HNF4A: variants seen among roughly 807,000 people sequenced by gnomAD.
HNF4A encodes the protein hepatocyte nuclear factor 4 alpha, also known as hepatocyte nuclear factor 4-alpha.
Under a neutral mutation model 52.4 loss-of-function variants are expected in HNF4A, and 15 were observed. The observed-to-expected ratio is 0.29, with a 90% CI of 0.19 to 0.44. The LOEUF (loss-of-function observed/expected upper bound fraction) is 0.44, where lower values mean the gene tolerates loss of function less well. Among genes scored for constraint, HNF4A ranks in the 20% least tolerant of loss-of-function variants. The probability of loss-of-function intolerance (pLI) is 1.00; values close to 1 mark genes in which losing one functional copy is unlikely to be tolerated. For missense variants in HNF4A, 479 were observed against 647.2 expected (o/e 0.74, Z 2.82); for synonymous variants, 280 against 264.4 (o/e 1.06, Z -0.57).
In HNF4A at chr20:44,418,498, A is replaced by T. The variant is rs777727657; in HGVS notation, c.722A>T (p.Asp241Val). The T allele has an allele frequency of 6.2e-7, 1 of 1,612,784 alleles. No individual in the cohort carries two copies. The highest frequency in any genetic ancestry group is 1.1e-5 in the South Asian group (1 of 91,064). The stretch of plus-strand genomic sequence containing the variant: ...ACCAAGAGATCCATGGTGTTCAAGG[A>T]CGTGCTGCTCCTAGGTGAGGCGGCT... Residue 241 changes from aspartate (D) to valine (V), a missense_variant, in exon 6 of 10, where the codon GAC becomes GTC. Around this residue, in one of 3 missense-constraint regions of HNF4A, gnomAD observed 389 missense variants for 525.1 expected, o/e 0.74. Transcript: ENST00000316099.
At chr20:44,384,896 T>G (rs2063200498) in intron 1 of HNF4A, among the ~76,000 whole-genome samples, 1 of 151,896 alleles carries the variant, frequency 6.6e-6, no homozygotes, top group Admixed American at 6.6e-5. Context: ...GGCCAACATT[T>G]GTTCCCAGAA....
intron 1 of HNF4A, among the ~76,000 whole-genome samples, chr20:44,362,637 ATAT>A (rs1314874600): frequency 6.6e-6 from 1 of 152,106 alleles, no homozygotes; most frequent in Non-Finnish European, 1.5e-5. Flanking sequence ...CAAGTAGGAA[ATAT>A]TATCTCCATT....
chr20:44,413,775 T>G lies in HNF4A; in HGVS notation c.467T>G (p.Leu156Arg). The change falls in exon 4 of 10, where the codon CTG (leucine) becomes CGG (arginine). Residue 156 changes from leucine to arginine, a missense_variant. Physicochemically the swap from Leu to Arg is moderately radical, Grantham distance 102. Transcript: ENST00000316099. Reference sequence around the variant, plus strand: ...AGCCTGCCCTCCATCAATGCGCTCCTGCAGGCGGAGGTCCTGTCCCGACAG... The same window carrying G: ...AGCCTGCCCTCCATCAATGCGCTCCGGCAGGCGGAGGTCCTGTCCCGACAG... 1 of 1,613,508 alleles carries G rather than the reference T, an allele frequency of 6.2e-7. No individual in the cohort carries two copies. Among genetic ancestry groups the G allele is most frequent in the Non-Finnish European group, 8.5e-7 (1 of 1,179,692 alleles).
At chr20:44,398,741 C>T (rs192846866), upstream of HNF4A, among the ~76,000 whole-genome samples, 20 of 152,240 alleles carry the variant, frequency 1.3e-4, no homozygotes, top group East Asian at 3.5e-3. Context: ...GCAGTGTCCA[C>T]CTAGTAGCTC....
intron 6 of HNF4A, 95 bp from the exon 7 acceptor site, chr20:44,419,626 G>A: frequency 1.7e-6 from 2 of 1,162,574 alleles, no homozygotes; most frequent in Admixed American, 1.7e-5. Flanking sequence ...TCCTCCCACA[G>A]GCACCAGCTA....
intron 1 of HNF4A, among the ~76,000 whole-genome samples, chr20:44,367,639 C>CAA (rs61083507): frequency 0.012 from 1,446 of 121,200 alleles, 30 homozygotes; most frequent in African/African-American, 0.038. Flanking sequence ...CACTCCGTCT[C>CAA]AAAAAAAAAA....
At chr20:44,401,816 G>A (rs745970077) in intron 1 of HNF4A, among the ~76,000 whole-genome samples, 9 of 152,190 alleles carry the variant, frequency 5.9e-5, no homozygotes, top group Non-Finnish European at 1.2e-4. Context: ...CTCCCCCTTG[G>A]TGCCCAGCTC....
chr20:44,374,106 A>G (rs555100379), intron 1 of HNF4A, among the ~76,000 whole-genome samples: 184 of 152,348 alleles, frequency 1.2e-3, no homozygotes, highest in Non-Finnish European at 2.1e-3. Flanking sequence ...TAGTGAGCAT[A>G]GTACCCAACA....
chr20:44,381,943 C>G (rs574265603), intron 1 of HNF4A, among the ~76,000 whole-genome samples: 21 of 152,234 alleles, frequency 1.4e-4, no homozygotes, highest in Non-Finnish European at 2.9e-4. Flanking sequence ...AATAACGCAA[C>G]TATATGCTGG....
At chr20:44,402,291 G>C (rs960546672) in intron 1 of HNF4A, among the ~76,000 whole-genome samples, 1 of 152,270 alleles carries the variant, frequency 6.6e-6, no homozygotes, top group East Asian at 1.9e-4. Flanking sequence ...CATGTGTGCT[G>C]TGTGTGCGGG....
chr20:44,415,576 C>T (rs541227228), intron 5 of HNF4A, among the ~76,000 whole-genome samples: 18 of 152,150 alleles, frequency 1.2e-4, no homozygotes, highest in East Asian at 3.8e-4. Context: ...TTCTCAGCTT[C>T]GGAGACAGAC....
upstream of HNF4A, among the ~76,000 whole-genome samples, chr20:44,397,473 C>G (rs115148854): frequency 1.5e-3 from 221 of 152,272 alleles, no homozygotes; most frequent in African/African-American, 5.2e-3. Context: ...GTGTTGGGTA[C>G]ATTTCAGATC....
chr20:44,426,518 T>C (rs933590945), intron 8 of HNF4A, among the ~76,000 whole-genome samples: 3 of 151,794 alleles, frequency 2.0e-5, no homozygotes, highest in African/African-American at 7.3e-5. Context: ...GAAATAAAGA[T>C]AGAGGCCGGG....
intron 8 of HNF4A, among the ~76,000 whole-genome samples, chr20:44,426,847 G>A (rs2063820045): frequency 6.6e-6 from 1 of 152,134 alleles, no homozygotes; most frequent in African/African-American, 2.4e-5. Context: ...TGAAAAGAGA[G>A]TGTCAGTGAA....
At chr20:44,363,039 A>G (rs892715425) in intron 1 of HNF4A, among the ~76,000 whole-genome samples, 19 of 151,758 alleles carry the variant, frequency 1.3e-4, no homozygotes, top group African/African-American at 4.6e-4. Context: ...TATTTTTAGT[A>G]GAGATGGGGT....
chr20:44,368,160 A>ATATATATATATATATATT (rs1200638153), intron 1 of HNF4A, among the ~76,000 whole-genome samples: 1 of 27,780 alleles, frequency 3.6e-5, no homozygotes, highest in African/African-American at 1.5e-4. Context: ...ATATATATAT[A>ATATATATATATATATATT]TTTTTTTTTT....
chr20:44,374,546 C>T (rs1453213635), intron 1 of HNF4A, among the ~76,000 whole-genome samples: 1 of 152,190 alleles, frequency 6.6e-6, no homozygotes, highest in Non-Finnish European at 1.5e-5. Flanking sequence ...TCACTGCAAC[C>T]TCTGCCTCCC....
intron 7 of HNF4A, among the ~76,000 whole-genome samples, chr20:44,423,257 G>A (rs1056834378): frequency 1.3e-5 from 2 of 151,962 alleles, no homozygotes; most frequent in Non-Finnish European, 2.9e-5. Flanking sequence ...CAGAGGTTGC[G>A]GTGAGCCGAG....
intron 3 of HNF4A, 61 bp downstream of exon 3, chr20:44,407,536 C>A (rs2063518967): frequency 8.9e-7 from 1 of 1,122,514 alleles, no homozygotes; most frequent in Non-Finnish European, 1.3e-6. Context: ...AGCTCCCCGA[C>A]AGTCATTTAC....
Sources: allele counts gnomAD v4.1 joint callset (sites outside exome capture counted in the v4.1 genomes callset), GRCh38; gene constraint gnomAD v4.1.1; regional missense constraint gnomAD v4.1.1; transcripts MANE v1.5; gene names NCBI Gene and HGNC (gene_info 2026-07-23, HGNC 2026-07-21).